Variants in DRC9 observed in about 807,000 individuals in gnomAD.
DRC9 encodes the protein dynein regulatory complex protein 9.
At chr3:197,903,741 A>G in the DRC9 span, among the ~76,000 whole-genome samples, 3 of 152,184 alleles carry the variant, frequency 2.0e-5, no homozygotes, top group Admixed American at 6.5e-5. Context: ...AACTACCTAT[A>G]TGACAAGGGT....
the DRC9 span, chr3:197,949,874 A>T: frequency 2.5e-6 from 1 of 393,612 alleles, no homozygotes; most frequent in Non-Finnish European, 4.5e-6. Context: ...AACATCCTCC[A>T]CTCAGGGTTC....
At chr3:197,899,687 A>G in the DRC9 span, among the ~76,000 whole-genome samples, 1 of 152,166 alleles carries the variant, frequency 6.6e-6, no homozygotes, top group Non-Finnish European at 1.5e-5. Context: ...TAGAAAGAAA[A>G]TGCAGCAGAG....
chr3:197,904,037 T>A, the DRC9 span, among the ~76,000 whole-genome samples: 1 of 92,070 alleles, frequency 1.1e-5, no homozygotes, highest in Non-Finnish European at 2.0e-5. Flanking sequence ...TATATATACA[T>A]ACATATATAT....
the DRC9 span, chr3:197,912,860 G>T: frequency 1.2e-6 from 1 of 848,566 alleles, no homozygotes. Flanking sequence ...TTACCAGCTG[G>T]GATCCCGGGC....
chr3:197,913,456 G>C, the DRC9 span: 1 of 287,538 alleles, frequency 3.5e-6, no homozygotes, highest in Non-Finnish European at 6.7e-6. Context: ...ATAAACTCAG[G>C]TTTGAACGAA....
the DRC9 span, among the ~76,000 whole-genome samples, chr3:197,921,286 C>T: frequency 7.9e-6 from 1 of 126,156 alleles, no homozygotes; most frequent in Non-Finnish European, 1.6e-5. Context: ...TCGTCTTGGT[C>T]GACCCGACTA....
the DRC9 span, chr3:197,932,300 T>C: frequency 2.5e-6 from 4 of 1,609,856 alleles, no homozygotes; most frequent in East Asian, 9.0e-5. Context: ...GCTGAAAAAC[T>C]GCCTGTAAGG....
At chr3:197,889,477 C>T in the DRC9 span, 15 of 1,330,942 alleles carry the variant, frequency 1.1e-5, no homozygotes, top group Non-Finnish European at 1.6e-5. Context: ...CAATAGGAAA[C>T]AACCTGTAGA....
At chr3:197,889,357 G>T in the DRC9 span, 1 of 570,554 alleles carries the variant, frequency 1.8e-6, no homozygotes. Flanking sequence ...AGCAAGGTAT[G>T]AGGAAGCCCT....
the DRC9 span, among the ~76,000 whole-genome samples, chr3:197,916,774 G>A: frequency 3.3e-5 from 5 of 151,966 alleles, no homozygotes; most frequent in South Asian, 2.1e-4. Context: ...CAAATCCTCC[G>A]TTAAGGAAAG....
At chr3:197,896,903 G>A in the DRC9 span, among the ~76,000 whole-genome samples, 1 of 152,110 alleles carries the variant, frequency 6.6e-6, no homozygotes, top group African/African-American at 2.4e-5. Flanking sequence ...AAAAAATCCA[G>A]CTATGAACTA....
At chr3:197,945,686 C>G in the DRC9 span, 1 of 1,286,890 alleles carries the variant, frequency 7.8e-7, no homozygotes, top group Non-Finnish European at 1.1e-6. Context: ...AGTGCAGTTA[C>G]CTAAAATGGG....
At chr3:197,946,196 GAGGCCGAGGC>G in the DRC9 span, among the ~76,000 whole-genome samples, 16 of 152,142 alleles carry the variant, frequency 1.1e-4, no homozygotes, top group Non-Finnish European at 2.1e-4. Context: ...AGCACTCTGG[GAGGCCGAGGC>G]AGGCGGATCA....
the DRC9 span, among the ~76,000 whole-genome samples, chr3:197,948,389 G>A: frequency 6.6e-6 from 1 of 152,188 alleles, no homozygotes; most frequent in African/African-American, 2.4e-5. Flanking sequence ...CTTTCCCGCA[G>A]AGCTGTGTTC....
the DRC9 span, among the ~76,000 whole-genome samples, chr3:197,921,203 G>A: frequency 3.0e-3 from 377 of 124,274 alleles, 39 homozygotes; most frequent in Non-Finnish European, 4.7e-3. Context: ...CAGTAACTCC[G>A]GGGATGTAAC....
At chr3:197,900,776 C>G in the DRC9 span, among the ~76,000 whole-genome samples, 1 of 152,244 alleles carries the variant, frequency 6.6e-6, no homozygotes, top group African/African-American at 2.4e-5. The surrounding 1 kb of genome is among the most constrained non-coding windows in gnomAD (Gnocchi z 4.7). Flanking sequence ...GGGCTCTGGG[C>G]AGAGTCATGA....
the DRC9 span, chr3:197,951,607 C>T: frequency 1.0e-5 from 4 of 391,652 alleles, no homozygotes; most frequent in Non-Finnish European, 1.4e-5. Flanking sequence ...CCCACCTCGG[C>T]CTCCCAAAGT....
chr3:197,926,552 G>T, the DRC9 span, among the ~76,000 whole-genome samples: 1 of 152,080 alleles, frequency 6.6e-6, no homozygotes, highest in Non-Finnish European at 1.5e-5. Flanking sequence ...GAGTTGATGT[G>T]CTGGATGTGA....
the DRC9 span, among the ~76,000 whole-genome samples, chr3:197,931,095 C>T: frequency 1.3e-5 from 2 of 151,756 alleles, no homozygotes; most frequent in Non-Finnish European, 2.9e-5. Context: ...TTAAGGAAAT[C>T]TCTCTAAGAA....
Sources: allele counts gnomAD v4.1 joint callset (sites outside exome capture counted in the v4.1 genomes callset), GRCh38; gene constraint gnomAD v4.1.1; non-coding constraint Gnocchi (gnomAD v3.1); transcripts MANE v1.5; gene names NCBI Gene and HGNC (gene_info 2026-07-23, HGNC 2026-07-21).